The following ABCG5 variants were observed in gnomAD, a reference collection of about 807,000 sequenced individuals.
The protein encoded by ABCG5 is ATP-binding cassette sub-family G member 5.
Under a neutral mutation model 64.5 loss-of-function variants are expected in ABCG5, and 64 were observed. That is an observed-to-expected ratio of 0.99 (90% confidence interval 0.81 to 1.22). ABCG5 has a LOEUF of 1.22. ABCG5 is among the 50% of genes most tolerant of loss of function. The pLI, the probability that ABCG5 is intolerant of heterozygous loss-of-function variation, is 0.00. For synonymous variants in ABCG5, 385 were observed against 326.3 expected (o/e 1.18, Z -1.94); for missense variants, 908 against 829.5 (o/e 1.09, Z -1.16).
rs142109022 is a variant in ABCG5, at chr2:43,819,943, C to A, written c.1621G>T (p.Gly541Trp). The change falls in exon 11 of 13, where the codon GGG becomes TGG. Residue 541 changes from glycine to tryptophan, a missense_variant. Transcript: ENST00000405322. ...AGGAATCCAGATCCAACAAGCACCCCCGCAATGGACAGCAGAGCCACTACA... is the reference window on the plus strand; with the variant it reads ...AGGAATCCAGATCCAACAAGCACCCACGCAATGGACAGCAGAGCCACTACA... ...NSVVALLSIA[G>W]VLVGSGFLRN... 3.7e-6 allele frequency: 6 copies of A among 1,614,014 alleles called. No homozygotes were observed. The South Asian group carries it at 5.5e-5, about 15-fold the overall frequency.
downstream of ABCG5, chr2:43,809,930 A>C (rs1666421337): frequency 1.5e-6 from 2 of 1,357,578 alleles, no homozygotes; most frequent in African/African-American, 3.0e-5. Context: ...TATATCTTGA[A>C]GCTTTTTAAA....
At chr2:43,834,462 G>T (rs1410115746) in intron 2 of ABCG5, among the ~76,000 whole-genome samples, 1 of 152,172 alleles carries the variant, frequency 6.6e-6, no homozygotes, top group Non-Finnish European at 1.5e-5. Flanking sequence ...GACATTCTGA[G>T]AGATCATGAA....
chr2:43,837,939 A>AG lies in ABCG5; in HGVS notation c.159dup (p.Trp54LeufsTer144). Reference sequence around the variant, plus strand: ...TGCCGGCAAGATGTGATGTCCCACCAGGGCCTCACGCGGTGGCTTTAAAGG... The same window carrying AG: ...TGCCGGCAAGATGTGATGTCCCACCAGGGGCCTCACGCGGTGGCTTTAAAGG... On this transcript the variant is annotated frameshift_variant, in exon 2 of 13. Transcript: ENST00000405322. LOFTEE classifies it high-confidence loss of function. 6.2e-7 allele frequency: 1 copy of AG among 1,614,026 alleles called. No individual in the cohort carries two copies. Among genetic ancestry groups the AG allele is most frequent in the Non-Finnish European group, 8.5e-7 (1 of 1,179,946 alleles).
At chr2:43,823,851 A>C in intron 9 of ABCG5, 62 bp downstream of exon 9, 95 of 1,522,118 alleles carry the variant, frequency 6.2e-5, no homozygotes, top group Non-Finnish European at 8.3e-5. Context: ...TTGTAAGGTT[A>C]CAGCTGGAGA....
At chr2:43,815,091 A>T (rs1388438875) in intron 11 of ABCG5, among the ~76,000 whole-genome samples, 1 of 152,188 alleles carries the variant, frequency 6.6e-6, no homozygotes, top group Non-Finnish European at 1.5e-5. Flanking sequence ...GGAGGAGGAG[A>T]TTTGTGATTA....
intron 10 of ABCG5, among the ~76,000 whole-genome samples, chr2:43,822,348 C>T (rs1334073653): frequency 6.6e-6 from 1 of 152,160 alleles, no homozygotes; most frequent in Non-Finnish European, 1.5e-5. Flanking sequence ...TCTGATGCTG[C>T]CCAATCCTGC....
At chr2:43,833,232 A>G (rs1267712881) in intron 2 of ABCG5, among the ~76,000 whole-genome samples, 1 of 152,132 alleles carries the variant, frequency 6.6e-6, no homozygotes, top group Non-Finnish European at 1.5e-5. Flanking sequence ...GGCCTTTCCT[A>G]TCCAAGGAGG....
chr2:43,807,325 A>T, the ABCG5 span, among the ~76,000 whole-genome samples: 3 of 152,304 alleles, frequency 2.0e-5, no homozygotes, highest in African/African-American at 7.2e-5. Context: ...TGGGCACCAG[A>T]AAATACTTAA....
chr2:43,825,816 G>A (rs1212061870), intron 6 of ABCG5, among the ~76,000 whole-genome samples: 4 of 152,162 alleles, frequency 2.6e-5, no homozygotes, highest in Non-Finnish European at 5.9e-5. Flanking sequence ...TCCTCTGTAA[G>A]GTGAATACAC....
chr2:43,825,105 A>G (rs1255944398), intron 6 of ABCG5, 87 bp from the exon 7 acceptor site: 17 of 1,527,562 alleles, frequency 1.1e-5, no homozygotes, highest in Non-Finnish European at 1.4e-5. Flanking sequence ...TGCAGGGCCA[A>G]GGTCAGGTAT....
chr2:43,822,672 A>G, intron 10 of ABCG5, 125 bp downstream of exon 10: 1 of 1,559,904 alleles, frequency 6.4e-7, no homozygotes, highest in Non-Finnish European at 8.7e-7. Context: ...TGCACTAGAC[A>G]CTGATGGGCA....
intron 4 of ABCG5, among the ~76,000 whole-genome samples, chr2:43,831,241 T>G (rs1667929447): frequency 6.6e-6 from 1 of 152,106 alleles, no homozygotes. Flanking sequence ...GGTGCAATCA[T>G]GGCTCGCTGC....
rs549117301 is a variant in ABCG5, at chr2:43,831,872, A to G, written c.403-5T>C. On this transcript the variant is annotated splice_polypyrimidine_tract_variant and splice_region_variant and intron_variant, in intron 3 of 12. Coordinates refer to ENST00000405322, the MANE Select transcript of ABCG5 (RefSeq NM_022436.3). ...GCTGCTCAGCAGGGTGTCGCTCTGC[A>G]GGAGACTCGGGCGTCAGTGTAGCCT... 9 of 1,471,986 alleles carry G rather than the reference A, an allele frequency of 6.1e-6. No individual in the cohort carries two copies. Among genetic ancestry groups the G allele is most frequent in the Non-Finnish European group, 8.2e-6 (9 of 1,096,984 alleles). The allele number at this position is 1,471,986 out of a possible 1,614,324, so 91.2% of individuals were successfully genotyped here. A position where few individuals can be genotyped will look rare whatever the true frequency, so the allele number is the denominator to read the frequency against.
At chr2:43,837,413 G>T (rs1668347215) in intron 2 of ABCG5, among the ~76,000 whole-genome samples, 1 of 152,104 alleles carries the variant, frequency 6.6e-6, no homozygotes, top group Admixed American at 6.5e-5. Flanking sequence ...AAGCCACTGT[G>T]ACCAGCCTAT....
chr2:43,826,325 C>T (rs1572774557), intron 6 of ABCG5, 57 bp downstream of exon 6: 1 of 1,611,826 alleles, frequency 6.2e-7, no homozygotes, highest in Non-Finnish European at 8.5e-7. Context: ...GCCCCTGCCC[C>T]TGTGATTCCC....
chr2:43,832,568 C>G, intron 2 of ABCG5: 1 of 175,878 alleles, frequency 5.7e-6, no homozygotes, highest in African/African-American at 2.4e-5. Flanking sequence ...CATCAGCAAC[C>G]CCTGAGAGCT....
chr2:43,809,108 A>T (rs118059655), downstream of ABCG5, among the ~76,000 whole-genome samples: 3,108 of 151,588 alleles, frequency 0.021, 74 homozygotes, highest in African/African-American at 0.058. Flanking sequence ...CCCACCTCAG[A>T]CTCCCAAGTA....
In ABCG5 at chr2:43,822,993, G is replaced by T. The variant is rs1470448041; in HGVS notation, c.1325-58C>A. 1.9e-6 allele frequency: 3 copies of T among 1,601,644 alleles called. No individual in the cohort carries two copies. In the East Asian group the frequency reaches 6.8e-5, roughly 36 times the overall value. ...GTCACCACCCAGCTGAAAAAGGGAG[G>T]GCTAGCCCAAGCTGAATGTGAGGTC... On this transcript the variant is annotated intron_variant, in intron 9 of 12. Coordinates refer to ENST00000405322, the MANE Select transcript of ABCG5 (RefSeq NM_022436.3).
chr2:43,806,964 G>T, the ABCG5 span, among the ~76,000 whole-genome samples: 1 of 151,958 alleles, frequency 6.6e-6, no homozygotes, highest in African/African-American at 2.4e-5. Flanking sequence ...TTATTTGTGT[G>T]GTTTTAGACG....
Sources: gnomAD v4.1 joint callset for allele counts (sites outside exome capture counted in the v4.1 genomes callset) on GRCh38, gnomAD v4.1.1 for gene constraint, MANE v1.5 for transcripts, NCBI Gene and HGNC (gene_info 2026-07-23, HGNC 2026-07-21) for gene names.